Variants in ADCY3 observed in about 807,000 individuals in gnomAD.
The protein encoded by ADCY3 is adenylate cyclase 3.
In ADCY3, 70 loss-of-function variants were observed where a neutral mutation model predicts 119.4. The observed-to-expected ratio is 0.59, with a 90% CI of 0.48 to 0.72. ADCY3 has a LOEUF of 0.72. Among genes scored for constraint, ADCY3 ranks in the 30% least tolerant of loss-of-function variants. ADCY3 has a pLI of 0.00. For missense variants in ADCY3, 1,238 were observed against 1,541.6 expected, an observed-to-expected ratio of 0.80 and a Z score of 3.30; for synonymous variants, 672 against 621.4, an observed-to-expected ratio of 1.08 and a Z score of -1.21.
chr2:24,841,709 C>A lies in ADCY3; in HGVS notation c.957-42G>T. On this transcript the variant is annotated intron_variant, in intron 4 of 21. Transcript: ENST00000679454. The surrounding 1 kb of genome is among the most constrained non-coding windows in gnomAD (Gnocchi z 5.8). ...CCGTGGGGGTGACGCTCCAGGCAGC[C>A]AGGTGTACCCGACCCCACTGCCAGC... 1 of 1,513,100 alleles carries A rather than the reference C, an allele frequency of 6.6e-7. No individual in the cohort carries two copies. The allele number at this position is 1,513,100 out of a possible 1,614,324, so 93.7% of individuals were successfully genotyped here.
intron 2 of ADCY3, among the ~76,000 whole-genome samples, chr2:24,885,435 G>A (rs775350242): frequency 2.0e-5 from 3 of 152,072 alleles, no homozygotes; most frequent in South Asian, 2.1e-4. Context: ...CCAACACTAC[G>A]CCCCAGCTAG....
intron 3 of ADCY3, among the ~76,000 whole-genome samples, chr2:24,861,215 C>T (rs1673608753): frequency 1.4e-5 from 2 of 146,020 alleles, no homozygotes; most frequent in South Asian, 2.1e-4. Flanking sequence ...CGTGCCACTG[C>T]ACTCCAGCCT....
In ADCY3 at chr2:24,841,625, A is replaced by G. The variant is rs1388896978; in HGVS notation, c.999T>C (p.Ser333=). ...TCACAAGCTCCTGGGCACTGCAGGC[A>G]GAAGACAGCTGGGTAAAGCCCACGA... ...ADIVGFTQLS[S]ACSAQELVKL... is the part of the protein sequence containing the mutation. Residue 333 remains serine (S), a synonymous_variant, in exon 5 of 22, where the codon TCT becomes TCC. Transcript: ENST00000679454. The surrounding 1 kb of genome is among the most constrained non-coding windows in gnomAD (Gnocchi z 5.8). 1 of 1,613,734 alleles carries G rather than the reference A, an allele frequency of 6.2e-7. No homozygotes were observed. Among genetic ancestry groups the G allele is most frequent in the African/African-American group, 1.3e-5 (1 of 75,058 alleles).
chr2:24,854,707 C>CG (rs927389933), intron 3 of ADCY3, among the ~76,000 whole-genome samples: 1 of 151,958 alleles, frequency 6.6e-6, no homozygotes, highest in Non-Finnish European at 1.5e-5. Flanking sequence ...ACCAATGTTG[C>CG]GGGGGTTAGA....
At position 24,918,176 on chromosome 2, in the gene ADCY3, G is replaced by T; in HGVS notation, c.675+137C>A. 1.1e-6 allele frequency: 1 copy of T among 935,910 alleles called. No homozygotes were observed. Among genetic ancestry groups the T allele is most frequent in the Non-Finnish European group, 1.6e-6 (1 of 624,236 alleles). 58.0% of individuals were successfully genotyped at this position (935,910 alleles called of 1,614,324 possible). A position where few individuals can be genotyped will look rare whatever the true frequency, so the allele number is the denominator to read the frequency against. On this transcript the variant is annotated intron_variant, in intron 2 of 21. Transcript: ENST00000679454. This position sits in a 1 kb window ranked among gnomAD's most constrained non-coding sequence, Gnocchi z 5.4. ...CACAGGGGTGAAAAGGCAGGGACTA[G>T]GGAGAGAGGTGAGAGCCCCGGAGGC...
chr2:24,889,607 C>T (rs181084630), intron 2 of ADCY3, among the ~76,000 whole-genome samples: 1 of 152,200 alleles, frequency 6.6e-6, no homozygotes, highest in East Asian at 1.9e-4. Flanking sequence ...GAGGCTGAGG[C>T]GAGTGGGCCA....
chr2:24,894,656 A>T (rs114286590), intron 2 of ADCY3, among the ~76,000 whole-genome samples: 3,920 of 152,088 alleles, frequency 0.026, 71 homozygotes, highest in South Asian at 0.052. Flanking sequence ...TAAAAATGAG[A>T]AAAGATAACT....
intron 16 of ADCY3, 33 bp downstream of exon 16, chr2:24,826,012 G>C (rs1668567023): frequency 3.7e-6 from 6 of 1,600,546 alleles, no homozygotes; most frequent in Admixed American, 3.3e-5. Flanking sequence ...TGGGCTGTGG[G>C]CACAGAGCGG....
rs1304815124 is a variant in ADCY3, at chr2:24,819,226, A to ATTCTCTTAAAGCAGTAGC, written c.*688_*705dup. 1.3e-5 allele frequency: 2 copies of ATTCTCTTAAAGCAGTAGC among 152,656 alleles called. No individual in the cohort carries two copies. Among genetic ancestry groups the ATTCTCTTAAAGCAGTAGC allele is most frequent in the African/African-American group, 2.4e-5 (1 of 41,466 alleles). 9.5% of individuals were successfully genotyped at this position (152,656 alleles called of 1,614,324 possible). ...TCTTGTTCTTTATCAATACCTGTAA[A>ATTCTCTTAAAGCAGTAGC]TTCTCTTAAAGCAGTAGCAAAGGCG... On this transcript the variant is annotated 3_prime_UTR_variant, in exon 22 of 22. Transcript: ENST00000679454.
chr2:24,820,680 T>C, intron 21 of ADCY3, 44 bp downstream of exon 21: 1 of 1,611,480 alleles, frequency 6.2e-7, no homozygotes, highest in African/African-American at 1.3e-5. Context: ...GGTTTTGTTC[T>C]CATGCCGAGT....
chr2:24,906,285 C>T (rs974455063), intron 2 of ADCY3, among the ~76,000 whole-genome samples: 3 of 122,392 alleles, frequency 2.5e-5, no homozygotes, highest in African/African-American at 1.2e-4. Flanking sequence ...CCAGCCTAGG[C>T]GAGAGAGTGA....
intron 9 of ADCY3, among the ~76,000 whole-genome samples, chr2:24,836,612 A>G (rs1670354015): frequency 6.6e-6 from 1 of 152,020 alleles, no homozygotes; most frequent in African/African-American, 2.4e-5. Flanking sequence ...ATCCTATATA[A>G]TTTTCCATGG....
intron 18 of ADCY3, 74 bp from the exon 19 acceptor site, chr2:24,822,704 C>T: frequency 6.3e-7 from 1 of 1,579,766 alleles, no homozygotes; most frequent in Non-Finnish European, 8.6e-7. Context: ...ACAGATGTAC[C>T]TGTTTACAAG....
At chr2:24,911,815 C>T (rs1055942919) in intron 2 of ADCY3, among the ~76,000 whole-genome samples, 4 of 152,018 alleles carry the variant, frequency 2.6e-5, no homozygotes, top group African/African-American at 7.2e-5. Context: ...TCCCAAAGTG[C>T]TGGGATTCCA....
chr2:24,864,747 T>C (rs1275062294), intron 3 of ADCY3, among the ~76,000 whole-genome samples: 1 of 152,192 alleles, frequency 6.6e-6, no homozygotes, highest in East Asian at 1.9e-4. Context: ...AGAGTTTCTC[T>C]TTGGGATGAT....
intron 2 of ADCY3, among the ~76,000 whole-genome samples, chr2:24,881,293 G>C (rs915330525): frequency 6.6e-6 from 1 of 152,202 alleles, no homozygotes; most frequent in Non-Finnish European, 1.5e-5. Flanking sequence ...ACCCACAGAT[G>C]TGCAAGTGAG....
At chr2:24,854,507 C>T (rs1379663742) in intron 3 of ADCY3, among the ~76,000 whole-genome samples, 1 of 152,216 alleles carries the variant, frequency 6.6e-6, no homozygotes, top group Non-Finnish European at 1.5e-5. Context: ...AGGAGAACTT[C>T]TCAGAAGATA....
At chr2:24,836,248 G>A (rs1251173042) in intron 9 of ADCY3, among the ~76,000 whole-genome samples, 4 of 152,162 alleles carry the variant, frequency 2.6e-5, no homozygotes, top group Non-Finnish European at 4.4e-5. Context: ...GAATGTTGGG[G>A]GACTCAAGAA....
At chr2:24,884,435 T>A (rs1329781461) in intron 2 of ADCY3, among the ~76,000 whole-genome samples, 1 of 151,972 alleles carries the variant, frequency 6.6e-6, no homozygotes, top group Non-Finnish European at 1.5e-5. Flanking sequence ...CCCCTATTTT[T>A]CTTCTATGCA....
Sources: gnomAD v4.1 joint callset for allele counts (sites outside exome capture counted in the v4.1 genomes callset) on GRCh38, gnomAD v4.1.1 for gene constraint, Gnocchi (gnomAD v3.1) non-coding constraint, MANE v1.5 for transcripts, NCBI Gene and HGNC (gene_info 2026-07-23, HGNC 2026-07-21) for gene names.